The following MTMR2 variants were observed in gnomAD, a reference collection of about 807,000 sequenced individuals.
The protein encoded by MTMR2 is myotubularin related protein 2, also known as phosphatidylinositol-3,5-bisphosphate 3-phosphatase MTMR2.
In MTMR2, 55 loss-of-function variants were observed where a neutral mutation model predicts 86.9. The observed-to-expected ratio is 0.63, with a 90% confidence interval of 0.51 to 0.79. The LOEUF is 0.79. Among genes scored for constraint, MTMR2 ranks in the 30% least tolerant of loss-of-function variants. MTMR2 has a pLI of 0.00. For synonymous variants in MTMR2, 241 were observed against 266.8 expected (o/e 0.90, Z 0.94); for missense variants, 659 against 772.3 (o/e 0.85, Z 1.74).
At chr11:95,898,726 C>A (rs1865967053) in intron 1 of MTMR2, among the ~76,000 whole-genome samples, 1 of 152,074 alleles carries the variant, frequency 6.6e-6, no homozygotes, top group African/African-American at 2.4e-5. Context: ...GGGAGAGAGA[C>A]CACCTAACAA....
intron 2 of MTMR2, among the ~76,000 whole-genome samples, chr11:95,880,895 G>C (rs1186451064): frequency 6.6e-6 from 1 of 151,934 alleles, no homozygotes; most frequent in African/African-American, 2.4e-5. Flanking sequence ...TCTTTTCACA[G>C]TCTTCACATA....
rs977090169 is a variant in MTMR2, at chr11:95,833,774, G to A, written c.*1516C>T. On this transcript the variant is annotated 3_prime_UTR_variant, in exon 15 of 15. Coordinates refer to ENST00000346299, the MANE Select transcript of MTMR2 (RefSeq NM_016156.6). ...TTAATTTTTAATTACTGATTTGCTAGCCACTTAAATGCCCTGTTAAAAAGC... is the reference window on the plus strand; with the variant it reads ...TTAATTTTTAATTACTGATTTGCTAACCACTTAAATGCCCTGTTAAAAAGC... 1 of 151,994 alleles carries A rather than the reference G, an allele frequency of 6.6e-6. No homozygotes were observed. Among genetic ancestry groups the A allele is most frequent in the African/African-American group, 2.4e-5 (1 of 41,396 alleles). The allele number at this position is 151,994 out of a possible 1,614,324, so 9.4% of individuals were successfully genotyped here. A position where few individuals can be genotyped will look rare whatever the true frequency, so the allele number is the denominator to read the frequency against.
chr11:95,878,857 A>G (rs530620498), intron 2 of MTMR2, among the ~76,000 whole-genome samples: 1 of 152,258 alleles, frequency 6.6e-6, no homozygotes, highest in East Asian at 1.9e-4. Flanking sequence ...AATATTATCT[A>G]AATTTCTTTC....
rs61735577 is a variant in MTMR2 at position 95,836,162 on chromosome 11, G to T, written c.1756C>A (p.Arg586=). ...WVGYYIRWNP[R]MKPQEPIHNR... ...AAGGCACATACCTGTGGTTTCATCC[G>T]TGGATTCCACCTTATGTAATATCCC... Residue 586 remains arginine (R), a synonymous_variant, in exon 14 of 15, where the codon CGG becomes AGG. Coordinates refer to ENST00000346299, the MANE Select transcript of MTMR2 (RefSeq NM_016156.6). 44,523 of 1,612,476 alleles carry T rather than the reference G, an allele frequency of 0.028. 1,070 individuals are homozygous for T. Among genetic ancestry groups the T allele is most frequent in the South Asian group, 0.09 (8,239 of 91,042 alleles).
At position 95,834,282 on chromosome 11, in the gene MTMR2, T is replaced by C. The variant is rs560436163; in HGVS notation, c.*1008A>G. The C allele has an allele frequency of 5.7e-4, 87 of 152,646 alleles. No homozygotes were observed. The highest frequency in any genetic ancestry group is 2.0e-3 in the African/African-American group (85 of 41,548). The allele number at this position is 152,646 out of a possible 1,614,324, so 9.5% of individuals were successfully genotyped here. A position where few individuals can be genotyped will look rare whatever the true frequency, so the allele number is the denominator to read the frequency against. The stretch of plus-strand genomic sequence containing the variant: ...AGATTTCTTTTACTGGCTTTGAGAT[T>C]GTAATACATCTTTTACATGCAGTGT... On this transcript the variant is annotated 3_prime_UTR_variant, in exon 15 of 15. Coordinates refer to ENST00000346299, the MANE Select transcript of MTMR2 (RefSeq NM_016156.6).
intron 1 of MTMR2, chr11:95,912,980 G>A (rs1866565926): frequency 6.6e-6 from 1 of 151,992 alleles, no homozygotes; most frequent in South Asian, 2.1e-4. Context: ...ATTTTCGTAA[G>A]CATGAAACTT....
chr11:95,843,915 T>C (rs1364148759), intron 11 of MTMR2, among the ~76,000 whole-genome samples: 1 of 152,160 alleles, frequency 6.6e-6, no homozygotes, highest in Admixed American at 6.5e-5. Flanking sequence ...AAAAGTTCTA[T>C]CCATAATTGT....
chr11:95,905,898 A>C (rs1309329160), intron 1 of MTMR2, among the ~76,000 whole-genome samples: 2 of 152,164 alleles, frequency 1.3e-5, no homozygotes, highest in Non-Finnish European at 2.9e-5. Context: ...GGAAAACAAA[A>C]AAAAAAACTA....
intron 12 of MTMR2, among the ~76,000 whole-genome samples, chr11:95,838,450 T>C (rs2135408519): frequency 6.6e-6 from 1 of 152,198 alleles, no homozygotes; most frequent in East Asian, 1.9e-4. Flanking sequence ...GGCTGAATTT[T>C]GACTTAGGCA....
At chr11:95,907,646 A>C (rs1866333925) in intron 1 of MTMR2, among the ~76,000 whole-genome samples, 1 of 152,208 alleles carries the variant, frequency 6.6e-6, no homozygotes, top group East Asian at 1.9e-4. Context: ...CAAGCAGTGC[A>C]TCAAAAAGCT....
chr11:95,865,371 A>G (rs903461847), intron 3 of MTMR2: 1 of 517,856 alleles, frequency 1.9e-6, no homozygotes, highest in Non-Finnish European at 3.4e-6. Context: ...GAGAAGAGGC[A>G]AAGTATAATT....
Position 95,865,604 on chromosome 11 carries a change from T to C in MTMR2, c.259A>G (p.Met87Val), listed in dbSNP as rs776415656. 3 of 1,613,192 alleles carry C rather than the reference T, an allele frequency of 1.9e-6. No homozygotes were observed. Among genetic ancestry groups the C allele is most frequent in the Non-Finnish European group, 2.5e-6 (3 of 1,179,158 alleles). Residue 87 changes from methionine (M) to valine (V), a missense_variant, in exon 3 of 15, where the codon ATG (methionine) becomes GTG (valine). Met to Val is a conservative substitution (Grantham distance 21, BLOSUM62 1). Transcript: ENST00000346299. ...AGCAAAAAATACCATTACGGACCCATGTCTTTAATATTTTCTCCTGGAAGC... is the reference window on the plus strand; with the variant it reads ...AGCAAAAAATACCATTACGGACCCACGTCTTTAATATTTTCTCCTGGAAGC... The part of the protein sequence containing the change: ...PLLPGENIKD[M>V]AKDVTYICPF...
intron 1 of MTMR2, among the ~76,000 whole-genome samples, chr11:95,896,684 A>G (rs899700230): frequency 6.6e-5 from 10 of 152,100 alleles, no homozygotes; most frequent in Non-Finnish European, 1.0e-4. Context: ...GGCCATCACT[A>G]GAACATGCAA....
intron 10 of MTMR2, 101 bp downstream of exon 10, chr11:95,847,613 T>C (rs1863844991): frequency 9.2e-7 from 1 of 1,088,244 alleles, no homozygotes; most frequent in Non-Finnish European, 1.4e-6. Context: ...TTTCATTGTT[T>C]AGAAAGGTAC....
chr11:95,923,220 C>T (rs1205085032), intron 1 of MTMR2, among the ~76,000 whole-genome samples: 2 of 152,112 alleles, frequency 1.3e-5, no homozygotes, highest in Non-Finnish European at 2.9e-5. Context: ...AGAAAACTAC[C>T]ACTCATTTTG....
rs1865578478 is a variant in MTMR2, at chr11:95,888,142, A to C, written c.186+14T>G. The C allele has an allele frequency of 5.8e-6, 9 of 1,561,214 alleles. No homozygotes were observed. Among genetic ancestry groups the C allele is most frequent in the Non-Finnish European group, 7.9e-6 (9 of 1,135,622 alleles). ...AGAAAGTACTTCATCAGAACTTTAA[A>C]ATAGTATACATACCCTCAAATCAGG... is the stretch of plus-strand genomic sequence containing the variant. On this transcript the variant is annotated intron_variant, in intron 2 of 14. Transcript: ENST00000346299.
intron 1 of MTMR2, among the ~76,000 whole-genome samples, chr11:95,891,151 G>C (rs1302648137): frequency 1.3e-5 from 2 of 151,998 alleles, no homozygotes; most frequent in Non-Finnish European, 2.9e-5. Context: ...GTAGCACCAA[G>C]AAACCAAACA....
intron 7 of MTMR2, among the ~76,000 whole-genome samples, chr11:95,853,280 T>A (rs1474527084): frequency 3.3e-5 from 5 of 151,952 alleles, no homozygotes; most frequent in African/African-American, 1.2e-4. Context: ...CAGTGACCAA[T>A]TTCTATGATT....
intron 2 of MTMR2, among the ~76,000 whole-genome samples, chr11:95,873,825 T>G (rs1331267736): frequency 6.6e-5 from 10 of 152,074 alleles, no homozygotes; most frequent in African/African-American, 2.2e-4. Context: ...AAAGAACATC[T>G]TTATTTCTGC....
Sources: allele counts gnomAD v4.1 joint callset (sites outside exome capture counted in the v4.1 genomes callset), GRCh38; gene constraint gnomAD v4.1.1; transcripts MANE v1.5; gene names NCBI Gene and HGNC (gene_info 2026-07-23, HGNC 2026-07-21).